RIMS2: variants seen among roughly 807,000 people sequenced by gnomAD.
The protein encoded by RIMS2 is regulating synaptic membrane exocytosis protein 2.
A neutral mutation model predicts 174.4 loss-of-function variants in RIMS2; 59 were observed. The ratio of observed to expected loss-of-function variants is 0.34; its 90% CI spans 0.27 to 0.42. The LOEUF (loss-of-function observed/expected upper bound fraction) is 0.42, where lower values mean the gene tolerates loss of function less well. Ranked by LOEUF, RIMS2 falls within the 10% of genes least tolerant of loss-of-function variation. RIMS2 has a pLI of 1.00. For missense variants in RIMS2, 1,620 were observed against 1,666.3 expected (o/e 0.97, Z 0.48); for synonymous variants, 606 against 572.5 (o/e 1.06, Z -0.84).
chr8:103,855,634 C>G (rs993056808), intron 3 of RIMS2, among the ~76,000 whole-genome samples: 2 of 151,956 alleles, frequency 1.3e-5, no homozygotes, highest in Non-Finnish European at 2.9e-5. Context: ...TATTGAGGAA[C>G]AAGTTGTTTA....
intron 3 of RIMS2, among the ~76,000 whole-genome samples, chr8:103,790,466 G>T (rs534125862): frequency 1.3e-5 from 2 of 151,956 alleles, no homozygotes; most frequent in Non-Finnish European, 2.9e-5. Context: ...ATATTTCATT[G>T]TATGTTTATA....
At chr8:103,931,855 T>A (rs2080023760) in intron 12 of RIMS2, among the ~76,000 whole-genome samples, 1 of 152,146 alleles carries the variant, frequency 6.6e-6, no homozygotes, top group Non-Finnish European at 1.5e-5. Flanking sequence ...TTTAACAAGT[T>A]GTTTTGTATC....
chr8:104,148,908 C>A, intron 19 of RIMS2, 60 bp downstream of exon 25: 13 of 1,515,806 alleles, frequency 8.6e-6, no homozygotes, highest in African/African-American at 1.4e-5. Context: ...AGATATATTT[C>A]TTTTCTCTTA....
At chr8:103,559,718 A>G (rs1340048198) in intron 1 of RIMS2, among the ~76,000 whole-genome samples, 1 of 152,246 alleles carries the variant, frequency 6.6e-6, no homozygotes, top group Admixed American at 6.5e-5. Context: ...TAGATTATCA[A>G]AAACCATGAA....
intron 19 of RIMS2, among the ~76,000 whole-genome samples, chr8:104,031,378 C>G (rs1177826717): frequency 6.6e-6 from 1 of 151,688 alleles, no homozygotes; most frequent in Admixed American, 6.6e-5. Flanking sequence ...AAGAAAAGAC[C>G]TTGTCAAACC....
At chr8:103,638,410 C>T (rs1382094976) in intron 1 of RIMS2, among the ~76,000 whole-genome samples, 1 of 151,886 alleles carries the variant, frequency 6.6e-6, no homozygotes, top group Non-Finnish European at 1.5e-5. Context: ...TTCTTCATAC[C>T]TTTCATGTTT....
chr8:103,723,913 T>TG (rs1371825595), intron 2 of RIMS2, among the ~76,000 whole-genome samples: 2 of 152,060 alleles, frequency 1.3e-5, no homozygotes, highest in African/African-American at 4.8e-5. Context: ...GCCTGGAGCC[T>TG]GGGGCCAGGA....
rs192407748 is a variant in RIMS2 at position 104,054,708 on chromosome 8, A to G, written c.3334+40093A>G. ...TTATCTGTTCTTATATTAGAATCTT[A>G]CATCACATTTGCAATTTATAATCAG... On this transcript the variant is annotated intron_variant, in intron 19 of 23. Coordinates refer to ENST00000504942, the Ensembl canonical transcript of RIMS2. Among the ~76,000 whole-genome samples the G allele has an allele frequency of 1.8e-4, 27 of 152,252 alleles. 1 individual carries two copies. The highest frequency in any genetic ancestry group is 1.7e-3 in the Admixed American group (26 of 15,290).
chr8:103,584,251 T>C (rs968250549), intron 1 of RIMS2, among the ~76,000 whole-genome samples: 2 of 152,156 alleles, frequency 1.3e-5, no homozygotes, highest in African/African-American at 4.8e-5. Flanking sequence ...AAAATATCCT[T>C]CAAACATAAA....
intron 19 of RIMS2, among the ~76,000 whole-genome samples, chr8:104,222,628 A>G (rs1208360511): frequency 6.6e-6 from 1 of 152,222 alleles, no homozygotes; most frequent in Non-Finnish European, 1.5e-5. Context: ...GTTCCGGGAT[A>G]GAGATGTGCA....
chr8:104,102,718 C>T (rs1395276829), intron 19 of RIMS2, among the ~76,000 whole-genome samples: 1 of 152,128 alleles, frequency 6.6e-6, no homozygotes, highest in Non-Finnish European at 1.5e-5. Context: ...AGACCATGTG[C>T]AAGGGAAATG....
chr8:103,524,634 C>T (rs1042436163), intron 1 of RIMS2, among the ~76,000 whole-genome samples: 2 of 152,182 alleles, frequency 1.3e-5, no homozygotes, highest in African/African-American at 4.8e-5. Flanking sequence ...AGTACTACTG[C>T]TACCCTTGAA....
At chr8:104,032,708 T>G (rs544391783) in intron 19 of RIMS2, among the ~76,000 whole-genome samples, 1 of 152,172 alleles carries the variant, frequency 6.6e-6, no homozygotes, top group Non-Finnish European at 1.5e-5. Context: ...TAATTAAAAA[T>G]AGTTGTGTCT....
intron 1 of RIMS2, among the ~76,000 whole-genome samples, chr8:103,575,866 G>A (rs992927045): frequency 6.6e-6 from 1 of 152,006 alleles, no homozygotes; most frequent in African/African-American, 2.4e-5. Context: ...TATGCCTAAA[G>A]TTTCCCCAAA....
At chr8:103,729,135 T>C (rs1591232906) in intron 2 of RIMS2, among the ~76,000 whole-genome samples, 1 of 152,260 alleles carries the variant, frequency 6.6e-6, no homozygotes, top group Non-Finnish European at 1.5e-5. Flanking sequence ...TTGGGAATAC[T>C]TTGAGTAAGA....
chr8:104,036,384 C>G (rs1490969134), intron 19 of RIMS2, among the ~76,000 whole-genome samples: 1 of 151,534 alleles, frequency 6.6e-6, no homozygotes, highest in Non-Finnish European at 1.5e-5. Flanking sequence ...ATCTCCTGAC[C>G]TCGTGATCCG....
intron 5 of RIMS2, among the ~76,000 whole-genome samples, chr8:103,910,741 C>T (rs7004346): frequency 0.049 from 7,486 of 152,080 alleles, 607 homozygotes; most frequent in African/African-American, 0.17. Context: ...TATTGTTTGA[C>T]GGCATACCAA....
intron 3 of RIMS2, among the ~76,000 whole-genome samples, chr8:103,775,247 G>T (rs565169813): frequency 6.6e-6 from 1 of 152,044 alleles, no homozygotes; most frequent in African/African-American, 2.4e-5. Flanking sequence ...GAGCTATGTG[G>T]TAAGAAAAAA....
intron 19 of RIMS2, among the ~76,000 whole-genome samples, chr8:104,180,188 T>C (rs2135896682): frequency 6.6e-6 from 1 of 151,936 alleles, no homozygotes; most frequent in South Asian, 2.1e-4. Flanking sequence ...ATCTGTAGGA[T>C]AATTTCTGCA....
Sources: gnomAD v4.1 joint callset for allele counts (sites outside exome capture counted in the v4.1 genomes callset) on GRCh38, gnomAD v4.1.1 for gene constraint, MANE v1.5 for transcripts, NCBI Gene and HGNC (gene_info 2026-07-23, HGNC 2026-07-21) for gene names.